EDIL3: variants seen among roughly 807,000 people sequenced by gnomAD.
The protein encoded by EDIL3 is EGF-like repeat and discoidin I-like domain-containing protein 3.
Under a neutral mutation model 67.4 loss-of-function variants are expected in EDIL3, and 37 were observed. The observed-to-expected ratio is 0.55, with a 90% CI of 0.42 to 0.72. EDIL3 has a LOEUF of 0.72. Ranked by LOEUF, EDIL3 falls within the 30% of genes least tolerant of loss-of-function variation. The pLI, the probability that EDIL3 is intolerant of heterozygous loss-of-function variation, is 0.00. For synonymous variants in EDIL3, 195 were observed against 196.3 expected (o/e 0.99, Z 0.05); for missense variants, 527 against 586.3 (o/e 0.90, Z 1.04).
intron 2 of EDIL3, among the ~76,000 whole-genome samples, chr5:84,238,573 T>C (rs554387852): frequency 6.6e-6 from 1 of 151,804 alleles, no homozygotes; most frequent in African/African-American, 2.4e-5. Flanking sequence ...GTAGAGCTAA[T>C]CTAATGTGCT....
intron 7 of EDIL3, among the ~76,000 whole-genome samples, chr5:84,065,142 G>T (rs1375151210): frequency 6.6e-6 from 1 of 152,036 alleles, no homozygotes; most frequent in Non-Finnish European, 1.5e-5. Flanking sequence ...CTCTTTTTTT[G>T]AGAAATGGAC....
At chr5:84,016,344 A>G (rs420842) in intron 9 of EDIL3, among the ~76,000 whole-genome samples, 127,791 of 152,122 alleles carry the variant, frequency 0.84, 54,734 homozygotes, top group Non-Finnish European at 0.92. Flanking sequence ...CCTAGCTCTG[A>G]TAACACTCAT....
intron 6 of EDIL3, among the ~76,000 whole-genome samples, chr5:84,072,168 T>C (rs1042899425): frequency 1.3e-5 from 2 of 152,124 alleles, no homozygotes; most frequent in Admixed American, 6.5e-5. Flanking sequence ...TTCTGCAAGA[T>C]TAAAAGCAAA....
chr5:84,211,735 C>G (rs554502462), intron 3 of EDIL3, among the ~76,000 whole-genome samples: 1 of 152,160 alleles, frequency 6.6e-6, no homozygotes, highest in Non-Finnish European at 1.5e-5. Context: ...GAGAGCATGG[C>G]CTGGATTATG....
chr5:84,224,021 A>G (rs1453539220), intron 3 of EDIL3, among the ~76,000 whole-genome samples: 1 of 151,490 alleles, frequency 6.6e-6, no homozygotes, highest in African/African-American at 2.4e-5. Context: ...TTCCACTTGT[A>G]GTATTAAAAA....
chr5:84,033,202 A>G (rs903901871), intron 9 of EDIL3, among the ~76,000 whole-genome samples: 10 of 152,134 alleles, frequency 6.6e-5, no homozygotes, highest in African/African-American at 2.4e-4. Context: ...TACTACTTCC[A>G]TGTTGCATGG....
intron 1 of EDIL3, among the ~76,000 whole-genome samples, chr5:84,303,829 T>A (rs1292429938): frequency 6.8e-6 from 1 of 147,614 alleles, no homozygotes; most frequent in East Asian, 2.0e-4. Flanking sequence ...TGTGTGTGTG[T>A]GTGTGTGTGT....
chr5:84,138,550 G>C (rs999490494), intron 4 of EDIL3, among the ~76,000 whole-genome samples: 1 of 152,114 alleles, frequency 6.6e-6, no homozygotes, highest in African/African-American at 2.4e-5. Flanking sequence ...TCAAATGATA[G>C]TTCTGAAGTC....
At chr5:84,239,528 A>T (rs184364157) in intron 2 of EDIL3, among the ~76,000 whole-genome samples, 1 of 152,182 alleles carries the variant, frequency 6.6e-6, no homozygotes, top group East Asian at 1.9e-4. Context: ...CAGCACATGT[A>T]TGTTTATTGC....
At chr5:84,296,357 T>G (rs1746050628) in intron 1 of EDIL3, among the ~76,000 whole-genome samples, 1 of 152,200 alleles carries the variant, frequency 6.6e-6, no homozygotes, top group African/African-American at 2.4e-5. Flanking sequence ...AAGTAAAAGT[T>G]ATATTCTAGA....
Position 84,064,777 on chromosome 5 carries a change from T to C in EDIL3, c.875A>G (p.Gln292Arg), listed in dbSNP as rs1329877249. ...AACTTGGGGATAGAGTCTTACATAC[T>C]GAGCTTTTATGGGGGGTGTGAAAGA... Reference protein sequence around the residue: ...ANSFTPPIKAQYVRLYPQVCR... With the variant: ...ANSFTPPIKARYVRLYPQVCR... Residue 292 changes from glutamine to arginine, a missense_variant, in exon 8 of 11, where the codon CAG (glutamine) becomes CGG (arginine). Coordinates refer to ENST00000296591, the MANE Select transcript of EDIL3 (RefSeq NM_005711.5). 2.5e-6 allele frequency: 4 copies of C among 1,612,446 alleles called. No homozygotes were observed. The highest frequency in any genetic ancestry group is 4.5e-5 in the East Asian group (2 of 44,856).
At chr5:84,370,517 T>C (rs1034710031) in intron 1 of EDIL3, among the ~76,000 whole-genome samples, 3 of 152,190 alleles carry the variant, frequency 2.0e-5, no homozygotes, top group African/African-American at 7.2e-5. Flanking sequence ...CTCCATATGA[T>C]AATTAAAAAC....
At chr5:84,347,836 G>A (rs1747265575) in intron 1 of EDIL3, among the ~76,000 whole-genome samples, 1 of 152,166 alleles carries the variant, frequency 6.6e-6, no homozygotes, top group Admixed American at 6.6e-5. Context: ...TATTTTTTAT[G>A]AGACACATTC....
At chr5:84,229,390 C>T (rs1744518231) in intron 3 of EDIL3, among the ~76,000 whole-genome samples, 1 of 152,122 alleles carries the variant, frequency 6.6e-6, no homozygotes, top group Admixed American at 6.6e-5. Context: ...GAGGCAGACA[C>T]AGTACCCTTA....
At chr5:84,286,075 G>T (rs1580055312) in intron 1 of EDIL3, among the ~76,000 whole-genome samples, 2 of 151,946 alleles carry the variant, frequency 1.3e-5, no homozygotes, top group African/African-American at 4.8e-5. Flanking sequence ...TTAAATTTTT[G>T]CTTTAGCTCT....
At chr5:84,199,931 C>G (rs1743797140) in intron 3 of EDIL3, among the ~76,000 whole-genome samples, 1 of 152,024 alleles carries the variant, frequency 6.6e-6, no homozygotes. Flanking sequence ...CTGAGAGCAA[C>G]TAAAGCAAAT....
At chr5:84,141,951 A>ATATCTATC (rs1561443850) in intron 4 of EDIL3, among the ~76,000 whole-genome samples, 6 of 97,754 alleles carry the variant, frequency 6.1e-5, no homozygotes, top group Admixed American at 2.1e-4. Context: ...ATATATACAT[A>ATATCTATC]GATCTATCTA....
chr5:84,313,506 G>A (rs949266442), intron 1 of EDIL3, among the ~76,000 whole-genome samples: 4 of 152,178 alleles, frequency 2.6e-5, no homozygotes, highest in African/African-American at 9.7e-5. Context: ...TAGCTACCAT[G>A]TACTAGTGGT....
chr5:84,156,112 G>A (rs1273122775), intron 4 of EDIL3, among the ~76,000 whole-genome samples: 1 of 152,174 alleles, frequency 6.6e-6, no homozygotes, highest in Non-Finnish European at 1.5e-5. Flanking sequence ...TTTATTCAGT[G>A]TTGTCAATTT....
Sources: gnomAD v4.1 joint callset for allele counts (sites outside exome capture counted in the v4.1 genomes callset) on GRCh38, gnomAD v4.1.1 for gene constraint, MANE v1.5 for transcripts, NCBI Gene and HGNC (gene_info 2026-07-23, HGNC 2026-07-21) for gene names.